The following STARD13 variants were observed in gnomAD, a reference collection of about 807,000 sequenced individuals.
STARD13 encodes the protein StAR related lipid transfer domain containing 13.
In STARD13, 62 loss-of-function variants were observed where a neutral mutation model predicts 106.4. That is an observed-to-expected ratio of 0.58 (90% CI 0.48 to 0.72). The LOEUF (loss-of-function observed/expected upper bound fraction) is 0.72, where lower values mean the gene tolerates loss of function less well. STARD13 is among the 30% of genes least tolerant of loss of function. The probability of loss-of-function intolerance (pLI) is 0.00; values close to 1 mark genes in which losing one functional copy is unlikely to be tolerated. For missense variants in STARD13, 1,387 were observed against 1,424.0 expected, an observed-to-expected ratio of 0.97 and a Z score of 0.42; for synonymous variants, 565 against 553.0, an observed-to-expected ratio of 1.02 and a Z score of -0.31.
chr13:33,491,658 T>C, the STARD13 span, among the ~76,000 whole-genome samples: 1 of 152,200 alleles, frequency 6.6e-6, no homozygotes, highest in Non-Finnish European at 1.5e-5. Flanking sequence ...ATAAACTTTA[T>C]TTGCACATTA....
chr13:33,538,401 G>A, the STARD13 span, among the ~76,000 whole-genome samples: 1 of 152,180 alleles, frequency 6.6e-6, no homozygotes, highest in African/African-American at 2.4e-5. Context: ...CAGGGCCCAC[G>A]AAAGAGGGAA....
the STARD13 span, among the ~76,000 whole-genome samples, chr13:33,632,630 C>T: frequency 6.6e-6 from 1 of 152,154 alleles, no homozygotes; most frequent in Admixed American, 6.5e-5. Flanking sequence ...AAAATTATCA[C>T]CAAACTTGAC....
At chr13:33,219,375 T>G (rs1888214891) in intron 1 of STARD13, among the ~76,000 whole-genome samples, 1 of 151,838 alleles carries the variant, frequency 6.6e-6, no homozygotes, top group African/African-American at 2.4e-5. Flanking sequence ...TGCTCCCCCA[T>G]GCAGGGCTGG....
At chr13:33,216,873 C>T (rs905891096) in intron 1 of STARD13, among the ~76,000 whole-genome samples, 2 of 152,174 alleles carry the variant, frequency 1.3e-5, no homozygotes, top group African/African-American at 4.8e-5. Flanking sequence ...AGTGGCCAAC[C>T]TGGAGTTTCA....
chr13:33,575,959 G>C, the STARD13 span, among the ~76,000 whole-genome samples: 1 of 152,090 alleles, frequency 6.6e-6, no homozygotes, highest in South Asian at 2.1e-4. Flanking sequence ...ATGTATACAA[G>C]CTGCAGTAAA....
the STARD13 span, among the ~76,000 whole-genome samples, chr13:33,499,523 TTCTTCTTCTTC>T: frequency 0.011 from 572 of 50,372 alleles, 64 homozygotes; most frequent in African/African-American, 0.027. Context: ...TCTTTCTTTC[TTCTTCTTCTTC>T]TTCTTCTTCT....
the STARD13 span, among the ~76,000 whole-genome samples, chr13:33,548,690 A>G: frequency 1.3e-5 from 2 of 152,192 alleles, no homozygotes; most frequent in Admixed American, 1.3e-4. Context: ...AAATAAAACT[A>G]ACTTGGAGAA....
intron 1 of STARD13, among the ~76,000 whole-genome samples, chr13:33,207,243 G>A (rs1343300499): frequency 6.6e-6 from 1 of 152,164 alleles, no homozygotes; most frequent in Non-Finnish European, 1.5e-5. Flanking sequence ...AGAATACGAA[G>A]TAAGCATAGG....
chr13:33,368,171 T>C, the STARD13 span, among the ~76,000 whole-genome samples: 118,313 of 152,058 alleles, frequency 0.78, 46,412 homozygotes, highest in East Asian at 0.95. Context: ...AAGCCCCCAC[T>C]AACTCTTTGC....
At chr13:33,492,612 A>G in the STARD13 span, among the ~76,000 whole-genome samples, 1 of 152,222 alleles carries the variant, frequency 6.6e-6, no homozygotes, top group Non-Finnish European at 1.5e-5. Flanking sequence ...CATCAGGGCC[A>G]TGACATTTTA....
chr13:33,232,521 A>G (rs1888973901), intron 1 of STARD13, among the ~76,000 whole-genome samples: 1 of 152,166 alleles, frequency 6.6e-6, no homozygotes, highest in African/African-American at 2.4e-5. Context: ...AGTGTATTAA[A>G]TCTTATATAT....
chr13:33,126,311 C>T, intron 6 of STARD13, 71 bp from the exon 7 acceptor site: 1 of 1,502,832 alleles, frequency 6.7e-7, no homozygotes, highest in Non-Finnish European at 9.1e-7. Context: ...TGGAAGCAAG[C>T]ATGAGGGAAG....
chr13:33,481,632 T>TGAGAGAAGGAGGGGTAGGTGGAAA, the STARD13 span, among the ~76,000 whole-genome samples: 1 of 152,018 alleles, frequency 6.6e-6, no homozygotes, highest in Non-Finnish European at 1.5e-5. Flanking sequence ...TGTGTGAATG[T>TGAGAGAAGGAGGGGTAGGTGGAAA]GAGAGAAGGA....
the STARD13 span, among the ~76,000 whole-genome samples, chr13:33,524,014 A>AT: frequency 2.6e-5 from 4 of 152,054 alleles, no homozygotes; most frequent in South Asian, 2.1e-4. Context: ...CAGCAAGAGC[A>AT]TTTTTTTCTA....
chr13:33,248,158 G>C (rs1055847687), intron 1 of STARD13, among the ~76,000 whole-genome samples: 22 of 152,140 alleles, frequency 1.4e-4, no homozygotes, highest in Non-Finnish European at 2.2e-4. Context: ...CTAGCACTTT[G>C]GGAGGCCAAG....
chr13:33,539,585 C>T, the STARD13 span, among the ~76,000 whole-genome samples: 1 of 152,116 alleles, frequency 6.6e-6, no homozygotes, highest in Non-Finnish European at 1.5e-5. Flanking sequence ...TTCAGAAGAT[C>T]GGCAGATTTT....
At chr13:33,373,298 C>T in the STARD13 span, among the ~76,000 whole-genome samples, 13 of 152,310 alleles carry the variant, frequency 8.5e-5, no homozygotes, top group African/African-American at 3.1e-4. Flanking sequence ...TCCCCGATCT[C>T]ATTGGATTTG....
At chr13:33,119,020 C>A (rs1384094913) in intron 7 of STARD13, among the ~76,000 whole-genome samples, 1 of 151,926 alleles carries the variant, frequency 6.6e-6, no homozygotes, top group Non-Finnish European at 1.5e-5. Context: ...GACTCCTCCC[C>A]TACTTGATGA....
At chr13:33,538,517 A>G in the STARD13 span, among the ~76,000 whole-genome samples, 3 of 152,346 alleles carry the variant, frequency 2.0e-5, no homozygotes, top group African/African-American at 7.2e-5. Flanking sequence ...CCAGTTTGAA[A>G]TAATCTCACT....
Sources: allele counts gnomAD v4.1 joint callset (sites outside exome capture counted in the v4.1 genomes callset), GRCh38; gene constraint gnomAD v4.1.1; transcripts MANE v1.5; gene names NCBI Gene and HGNC (gene_info 2026-07-23, HGNC 2026-07-21).